XPNPEP3: variants seen among roughly 807,000 people sequenced by gnomAD.
The protein encoded by XPNPEP3 is xaa-Pro aminopeptidase 3.
Under a neutral mutation model 60.0 loss-of-function variants are expected in XPNPEP3, and 41 were observed. The observed-to-expected ratio is 0.68, with a 90% CI of 0.53 to 0.89. XPNPEP3 has a LOEUF of 0.89. XPNPEP3 is among the 40% of genes least tolerant of loss of function. The pLI, the probability that XPNPEP3 is intolerant of heterozygous loss-of-function variation, is 0.00. For missense variants in XPNPEP3, 598 were observed against 638.9 expected (o/e 0.94, Z 0.69); for synonymous variants, 212 against 223.2 (o/e 0.95, Z 0.45).
chr22:40,857,312 G>A, intron 1 of XPNPEP3, 67 bp downstream of exon 1: 1 of 1,577,664 alleles, frequency 6.3e-7, no homozygotes, highest in Admixed American at 1.7e-5. Context: ...GGTCTCAGGC[G>A]ATCCCTGGTT....
intron 1 of XPNPEP3, 84 bp downstream of exon 1, chr22:40,857,329 AC>A: frequency 6.7e-7 from 1 of 1,489,166 alleles, no homozygotes; most frequent in Non-Finnish European, 9.3e-7. Context: ...GGTTCGGCTG[AC>A]CCTTCTCCTG....
At position 40,909,191 on chromosome 22, in the gene XPNPEP3, C is replaced by T. The variant is rs769806045; in HGVS notation, c.925C>T (p.Arg309Trp). The change falls in exon 6 of 10, where the codon CGG becomes TGG. Residue 309 changes from arginine (R) to tryptophan (W), a missense_variant. By Grantham distance (101) the Arg-to-Trp change is moderately radical (BLOSUM62 -3). Coordinates refer to ENST00000357137, the MANE Select transcript of XPNPEP3 (RefSeq NM_022098.4). Reference protein sequence around the residue: ...AYPPVVAGGNRSNTLHYVKNN... With the variant: ...AYPPVVAGGNWSNTLHYVKNN... ...TCCACCTGTGGTGGCTGGTGGTAAT[C>T]GGTCAAACACTTTGCACTATGTGAA... The T allele has an allele frequency of 1.2e-6, 2 of 1,614,138 alleles. No homozygotes were observed. The highest frequency in any genetic ancestry group is 1.1e-5 in the South Asian group (1 of 91,088).
At chr22:40,876,537 T>C (rs1272599911) in intron 2 of XPNPEP3, among the ~76,000 whole-genome samples, 1 of 152,228 alleles carries the variant, frequency 6.6e-6, no homozygotes, top group Non-Finnish European at 1.5e-5. Context: ...CAGAGAAGTT[T>C]GGTAGCTCTT....
In XPNPEP3 at chr22:40,896,284, C is replaced by T. The variant is rs533565909; in HGVS notation, c.792+9769C>T. Among the ~76,000 whole-genome samples, 28 of 152,290 alleles carry T rather than the reference C, an allele frequency of 1.8e-4. No individual in the cohort carries two copies. In the South Asian group the frequency reaches 5.6e-3, roughly 30 times the overall value. ...GCTCGAGCACTCTGCCCACCTCGGC[C>T]TCCCAAAGTGCTGGGATTACAGGCA... On this transcript the variant is annotated intron_variant, in intron 4 of 9. Coordinates refer to ENST00000357137, the MANE Select transcript of XPNPEP3 (RefSeq NM_022098.4).
intron 4 of XPNPEP3, among the ~76,000 whole-genome samples, chr22:40,894,489 C>T (rs1302070291): frequency 2.0e-5 from 3 of 152,090 alleles, no homozygotes; most frequent in Non-Finnish European, 4.4e-5. Flanking sequence ...TGAATGCAAA[C>T]CTTTCCCGCT....
At chr22:40,865,479 C>G (rs1256888947) in intron 1 of XPNPEP3, among the ~76,000 whole-genome samples, 1 of 151,848 alleles carries the variant, frequency 6.6e-6, no homozygotes, top group Non-Finnish European at 1.5e-5. Context: ...CAGGCATGTG[C>G]CACCATGCCT....
chr22:40,880,873 A>G (rs2146249203), intron 2 of XPNPEP3, among the ~76,000 whole-genome samples: 1 of 152,158 alleles, frequency 6.6e-6, no homozygotes, highest in African/African-American at 2.4e-5. Context: ...CAGTAGGCAA[A>G]TCCATAGAGA....
chr22:40,914,118 G>C lies in XPNPEP3; in HGVS notation c.970-121G>C, dbSNP rs1601517999. On this transcript the variant is annotated intron_variant, in intron 6 of 9. Transcript: ENST00000357137. ...GATCACACCATTGCACTCCAACCTG[G>C]GCAACAAGAGTGAAACTCCGTCTCA... 4 of 817,940 alleles carry C rather than the reference G, an allele frequency of 4.9e-6. No individual in the cohort carries two copies. The East Asian group carries it at 1.1e-4, about 22-fold the overall frequency. 50.7% of individuals were successfully genotyped at this position (817,940 alleles called of 1,614,324 possible). A position where few individuals can be genotyped will look rare whatever the true frequency, so the allele number is the denominator to read the frequency against.
At chr22:40,903,395 T>C (rs1282279217) in intron 4 of XPNPEP3, among the ~76,000 whole-genome samples, 1 of 152,140 alleles carries the variant, frequency 6.6e-6, no homozygotes, top group Non-Finnish European at 1.5e-5. Flanking sequence ...ATCCTTCAAG[T>C]ACAGTGTTCA....
At chr22:40,914,094 A>C in intron 6 of XPNPEP3, 145 bp from the exon 7 acceptor site, 1 of 689,346 alleles carries the variant, frequency 1.5e-6, no homozygotes, top group East Asian at 2.9e-5. Flanking sequence ...GTGAGCTGAG[A>C]TCACACCATT....
chr22:40,862,258 G>C lies in XPNPEP3; in HGVS notation c.64+5013G>C, dbSNP rs1014684047. On this transcript the variant is annotated intron_variant, in intron 1 of 9. Coordinates refer to ENST00000357137, the MANE Select transcript of XPNPEP3 (RefSeq NM_022098.4). ...GGACCTTCCAAATAGAGCTAGTCCAGAGTCGTACCAGACCATCCTGAATCC... is the reference window on the plus strand; with the variant it reads ...GGACCTTCCAAATAGAGCTAGTCCACAGTCGTACCAGACCATCCTGAATCC... 1.7e-5 allele frequency: 20 copies of C among 1,178,262 alleles called. No homozygotes were observed. The South Asian group carries it at 2.0e-4, about 12-fold the overall frequency. 73.0% of individuals were successfully genotyped at this position (1,178,262 alleles called of 1,614,324 possible).
At chr22:40,860,718 T>A (rs1017944599) in intron 1 of XPNPEP3, 2 of 952,748 alleles carry the variant, frequency 2.1e-6, no homozygotes, top group Non-Finnish European at 3.1e-6. Context: ...AGTGGCGTGA[T>A]CCCATTACAC....
intron 4 of XPNPEP3, among the ~76,000 whole-genome samples, chr22:40,896,244 C>T (rs11913345): frequency 2.6e-5 from 4 of 152,024 alleles, no homozygotes; most frequent in African/African-American, 9.7e-5. Flanking sequence ...CCATGTTGGC[C>T]GTGTGAGCTC....
At chr22:40,899,817 CAAAA>C (rs1336628860) in intron 4 of XPNPEP3, among the ~76,000 whole-genome samples, 2 of 54,228 alleles carry the variant, frequency 3.7e-5, no homozygotes, top group Non-Finnish European at 7.9e-5. Context: ...GACTCTATCT[CAAAA>C]AAAAAAAAAA....
chr22:40,861,995 G>GT lies in XPNPEP3; in HGVS notation c.64+4754dup, dbSNP rs1005250864. ...CTAGAACTTCATAGTAATCCACCAT[G>GT]TTTTAACAGATAGTTGGAAGTGGGT... On this transcript the variant is annotated intron_variant, in intron 1 of 9. Transcript: ENST00000357137. 7.0e-6 allele frequency: 11 copies of GT among 1,581,358 alleles called. No individual in the cohort carries two copies. In the African/African-American group the frequency reaches 1.5e-4, roughly 22 times the overall value.
At chr22:40,885,296 C>G (rs766125218) in intron 3 of XPNPEP3, among the ~76,000 whole-genome samples, 1 of 151,980 alleles carries the variant, frequency 6.6e-6, no homozygotes, top group African/African-American at 2.4e-5. Context: ...TGTTTGTAGC[C>G]TACTGTTAGA....
chr22:40,865,816 T>C (rs1032271829), intron 1 of XPNPEP3, among the ~76,000 whole-genome samples: 7 of 152,178 alleles, frequency 4.6e-5, no homozygotes, highest in African/African-American at 1.7e-4. Context: ...ATTACAAGCA[T>C]GAGCCACCAT....
intron 8 of XPNPEP3, among the ~76,000 whole-genome samples, chr22:40,923,868 A>G (rs1382007666): frequency 6.6e-6 from 1 of 152,024 alleles, no homozygotes; most frequent in East Asian, 1.9e-4. Flanking sequence ...AAAGAAAGAA[A>G]TACCCAAGCT....
chr22:40,879,250 A>T (rs1386239397), intron 2 of XPNPEP3, among the ~76,000 whole-genome samples: 2 of 152,202 alleles, frequency 1.3e-5, no homozygotes, highest in Admixed American at 6.5e-5. Flanking sequence ...ATTGGCCCGT[A>T]AGGCCTCCAC....
Sources: gnomAD v4.1 joint callset for allele counts (sites outside exome capture counted in the v4.1 genomes callset) on GRCh38, gnomAD v4.1.1 for gene constraint, MANE v1.5 for transcripts, NCBI Gene and HGNC (gene_info 2026-07-23, HGNC 2026-07-21) for gene names.